FILIP1L: variants seen among roughly 807,000 people sequenced by gnomAD.
FILIP1L encodes the protein filamin A-interacting protein 1-like.
Under a neutral mutation model 96.6 loss-of-function variants are expected in FILIP1L, and 55 were observed. The observed-to-expected ratio is 0.57, with a 90% CI of 0.46 to 0.71. FILIP1L has a LOEUF of 0.71. FILIP1L is among the 30% of genes least tolerant of loss of function. FILIP1L has a pLI of 0.00. For synonymous variants in FILIP1L, 467 were observed against 473.9 expected (o/e 0.99, Z 0.19); for missense variants, 1,304 against 1,321.2 (o/e 0.99, Z 0.20).
intron 1 of FILIP1L, among the ~76,000 whole-genome samples, chr3:99,978,232 C>CA (rs915051045): frequency 6.6e-6 from 1 of 152,054 alleles, no homozygotes; most frequent in African/African-American, 2.4e-5. Flanking sequence ...CAACCATCTC[C>CA]AAAAAACCAT....
intron 1 of FILIP1L, chr3:100,051,387 G>A (rs531992290): frequency 3.3e-4 from 50 of 151,326 alleles, no homozygotes; most frequent in African/African-American, 1.2e-3. Flanking sequence ...TTAAGTTTTA[G>A]GGTACATGTG....
chr3:100,064,507 T>C (rs1221239076), intron 1 of FILIP1L, among the ~76,000 whole-genome samples: 2 of 152,220 alleles, frequency 1.3e-5, no homozygotes, highest in East Asian at 3.8e-4. Context: ...TAATTTGTGA[T>C]GTAGCTGGTT....
rs377593790 is a variant in FILIP1L at position 100,104,967 on chromosome 3, T to C, written c.-11+9086A>G. On this transcript the variant is annotated intron_variant, in intron 1 of 5. Transcript: ENST00000477258. ...TCACCTATGCATTAACTCTAATCTT[T>C]CTGTAAAAGTATCTGCCTTTATTTA... 1.1e-4 allele frequency among the ~76,000 whole-genome samples: 16 copies of C among 152,314 alleles called. No homozygotes were observed. The South Asian group carries it at 3.3e-3, about 32-fold the overall frequency.
chr3:100,067,206 G>C (rs1404200760), intron 1 of FILIP1L, among the ~76,000 whole-genome samples: 1 of 148,192 alleles, frequency 6.7e-6, no homozygotes, highest in Non-Finnish European at 1.5e-5. Context: ...TTTTAAATAG[G>C]GAAATTTTAG....
Position 99,930,023 on chromosome 3 carries a change from C to G in FILIP1L, c.259G>C (p.Asp87His). The G allele has an allele frequency of 6.2e-7, 1 of 1,605,130 alleles. No homozygotes were observed. Among genetic ancestry groups the G allele is most frequent in the Non-Finnish European group, 8.5e-7 (1 of 1,176,662 alleles). ...GCCTTTAAAATGCCTATGACCTCAT[C>G]TCGAGCCTGTAGGAACAAAAAGTAT... ...SILEGELQAR[D>H]EVIGILKAEK... Residue 87 changes from aspartate to histidine, a missense_variant, in exon 3 of 6, where the codon GAT (aspartate) becomes CAT (histidine). Physicochemically the swap from Asp to His is moderately conservative, Grantham distance 81. Transcript: ENST00000477258.
At chr3:100,064,722 C>G (rs2065633364) in intron 1 of FILIP1L, among the ~76,000 whole-genome samples, 1 of 152,290 alleles carries the variant, frequency 6.6e-6, no homozygotes, top group East Asian at 1.9e-4. Flanking sequence ...GGCATGTTGG[C>G]AAATCATACT....
intron 4 of FILIP1L, among the ~76,000 whole-genome samples, chr3:99,892,312 T>C (rs1173835039): frequency 6.6e-6 from 1 of 152,208 alleles, no homozygotes; most frequent in Admixed American, 6.5e-5. Flanking sequence ...TTTAAACTAT[T>C]GACCTTCACT....
chr3:99,934,984 T>G (rs1200995608), intron 1 of FILIP1L, among the ~76,000 whole-genome samples: 2 of 152,180 alleles, frequency 1.3e-5, no homozygotes, highest in Non-Finnish European at 2.9e-5. Flanking sequence ...TATGCAGACT[T>G]CTGGTCTACT....
At chr3:99,966,665 C>T (rs1427439236) in intron 1 of FILIP1L, among the ~76,000 whole-genome samples, 1 of 152,184 alleles carries the variant, frequency 6.6e-6, no homozygotes, top group Non-Finnish European at 1.5e-5. Context: ...TTTCAACCTT[C>T]AAACTCTAGC....
intron 1 of FILIP1L, among the ~76,000 whole-genome samples, chr3:100,088,543 A>G (rs534211249): frequency 1.6e-4 from 25 of 152,322 alleles, no homozygotes; most frequent in Non-Finnish European, 3.4e-4. Flanking sequence ...TTAATAATTC[A>G]TAATAAATTG....
chr3:100,051,736 T>C (rs1464310886), intron 1 of FILIP1L, among the ~76,000 whole-genome samples: 2 of 151,896 alleles, frequency 1.3e-5, no homozygotes, highest in Non-Finnish European at 2.9e-5. Context: ...GTGCCACATT[T>C]TCTTAATCTA....
At chr3:99,938,167 C>T (rs1393667058) in intron 1 of FILIP1L, among the ~76,000 whole-genome samples, 1 of 152,158 alleles carries the variant, frequency 6.6e-6, no homozygotes, top group Non-Finnish European at 1.5e-5. Flanking sequence ...TTTAATTTCA[C>T]TGAATTTTGT....
At chr3:100,093,082 A>G (rs940126006) in intron 1 of FILIP1L, among the ~76,000 whole-genome samples, 1 of 152,132 alleles carries the variant, frequency 6.6e-6, no homozygotes, top group Admixed American at 6.5e-5. Flanking sequence ...CAGAATGGAA[A>G]AAATTGAAGT....
chr3:99,906,681 C>CT (rs1706628014), intron 4 of FILIP1L, among the ~76,000 whole-genome samples: 2 of 152,152 alleles, frequency 1.3e-5, no homozygotes, highest in Non-Finnish European at 2.9e-5. Flanking sequence ...TTCCTCAAAA[C>CT]TTTAATTGTC....
At chr3:99,891,630 C>A (rs1429568801) in intron 4 of FILIP1L, among the ~76,000 whole-genome samples, 2 of 152,068 alleles carry the variant, frequency 1.3e-5, no homozygotes, top group Non-Finnish European at 2.9e-5. Flanking sequence ...TAATCCATTT[C>A]ACCATCAGCA....
intron 1 of FILIP1L, among the ~76,000 whole-genome samples, chr3:100,001,046 C>A (rs1432290082): frequency 6.6e-6 from 1 of 152,158 alleles, no homozygotes; most frequent in African/African-American, 2.4e-5. Flanking sequence ...ATATTTCACA[C>A]ACACACACAC....
At position 99,850,382 on chromosome 3, in the gene FILIP1L, C is replaced by A; in HGVS notation, c.1294G>T (p.Asp432Tyr). Residue 432 changes from aspartate (D) to tyrosine (Y), a missense_variant, in exon 5 of 6, where the codon GAC (aspartate) becomes TAC (tyrosine). Physicochemically the swap from Asp to Tyr is radical, Grantham distance 160. Coordinates refer to ENST00000477258, the MANE Select transcript of FILIP1L (RefSeq NM_001387850.1). Reference protein sequence around the residue: ...KRIMALEKLEDAFNKSKQECY... With the variant: ...KRIMALEKLEYAFNKSKQECY... ...TCTTGTTTGCTTTTGTTGAAAGCGT[C>A]TTCTAACTTTTCCAGAGCCATAATT... The A allele has an allele frequency of 6.2e-7, 1 of 1,613,386 alleles. No individual in the cohort carries two copies. Among genetic ancestry groups the A allele is most frequent in the Non-Finnish European group, 8.5e-7 (1 of 1,179,868 alleles).
At chr3:100,066,517 C>CTTTTTTTT (rs545356638) in intron 1 of FILIP1L, among the ~76,000 whole-genome samples, 9 of 38,320 alleles carry the variant, frequency 2.3e-4, no homozygotes, top group South Asian at 1.5e-3. Flanking sequence ...GGCTTTGCTT[C>CTTTTTTTT]TTTTTTTTTT....
chr3:99,878,764 C>A (rs894875806), intron 4 of FILIP1L, among the ~76,000 whole-genome samples: 3 of 152,164 alleles, frequency 2.0e-5, no homozygotes, highest in African/African-American at 7.2e-5. Context: ...GGAGCAGGAC[C>A]TTTAACTGAT....
Sources: allele counts gnomAD v4.1 joint callset (sites outside exome capture counted in the v4.1 genomes callset), GRCh38; gene constraint gnomAD v4.1.1; transcripts MANE v1.5; gene names NCBI Gene and HGNC (gene_info 2026-07-23, HGNC 2026-07-21).